The following ATP2B2 variants were observed in gnomAD, a reference collection of about 807,000 sequenced individuals.
The protein encoded by ATP2B2 is ATPase plasma membrane Ca2+ transporting 2, also known as plasma membrane calcium-transporting ATPase 2.
Under a neutral mutation model 120.0 loss-of-function variants are expected in ATP2B2, and 15 were observed. That is an observed-to-expected ratio of 0.12 (90% CI 0.08 to 0.19). ATP2B2 has a LOEUF of 0.19. ATP2B2 is among the 10% of genes least tolerant of loss of function. ATP2B2 has a pLI of 1.00. For missense variants in ATP2B2, 1,045 were observed against 1,719.8 expected (o/e 0.61, Z 6.94); for synonymous variants, 694 against 700.3 (o/e 0.99, Z 0.14).
intron 2 of ATP2B2, among the ~76,000 whole-genome samples, chr3:10,601,239 G>A (rs1293947766): frequency 1.3e-5 from 2 of 152,202 alleles, no homozygotes; most frequent in Non-Finnish European, 2.9e-5. Flanking sequence ...TGCCCAGCGT[G>A]AGCCAGGACA....
At chr3:10,448,426 G>A (rs574549187) in intron 2 of ATP2B2, among the ~76,000 whole-genome samples, 1 of 152,300 alleles carries the variant, frequency 6.6e-6, no homozygotes, top group South Asian at 2.1e-4. Flanking sequence ...CGTAGGGAAT[G>A]CTTCCTTTCC....
At chr3:10,423,981 G>C (rs1280705033) in intron 2 of ATP2B2, among the ~76,000 whole-genome samples, 1 of 152,140 alleles carries the variant, frequency 6.6e-6, no homozygotes, top group Admixed American at 6.5e-5. Flanking sequence ...GTTACCCCCC[G>C]CAGTGCATCG....
At chr3:10,353,813 C>T (rs771769592) in intron 14 of ATP2B2, among the ~76,000 whole-genome samples, 1 of 152,130 alleles carries the variant, frequency 6.6e-6, no homozygotes, top group East Asian at 1.9e-4. Context: ...TGGGGACCAA[C>T]GGGCTGGGCT....
At position 10,402,480 on chromosome 3, in the gene ATP2B2, T is replaced by A. The variant is rs2062255514; in HGVS notation, c.398-132A>T. 1 of 1,338,694 alleles carries A rather than the reference T, an allele frequency of 7.5e-7. No homozygotes were observed. The highest frequency in any genetic ancestry group is 2.3e-5 in the East Asian group (1 of 42,606). The allele number at this position is 1,338,694 out of a possible 1,614,324, so 82.9% of individuals were successfully genotyped here. A position where few individuals can be genotyped will look rare whatever the true frequency, so the allele number is the denominator to read the frequency against. Reference sequence around the variant, plus strand: ...AGATGATAATTATCCACTTACTCAGTGTGTCTGGGTACCAAGCCCTGTGGA... The same window carrying A: ...AGATGATAATTATCCACTTACTCAGAGTGTCTGGGTACCAAGCCCTGTGGA... On this transcript the variant is annotated intron_variant, in intron 3 of 22. Transcript: ENST00000360273. This position sits in a 1 kb window ranked among gnomAD's most constrained non-coding sequence, Gnocchi z 4.9.
intron 1 of ATP2B2, among the ~76,000 whole-genome samples, chr3:10,682,763 T>A (rs1012670833): frequency 6.6e-6 from 1 of 152,156 alleles, no homozygotes; most frequent in African/African-American, 2.4e-5. Context: ...CCAGAGCAGA[T>A]GCTTGGTGAC....
At chr3:10,390,081 T>C (rs1311938805) in intron 5 of ATP2B2, among the ~76,000 whole-genome samples, 1 of 152,162 alleles carries the variant, frequency 6.6e-6, no homozygotes, top group East Asian at 1.9e-4. Flanking sequence ...CCTTCTCAGA[T>C]GGGGGAGTAA....
chr3:10,394,327 G>A (rs1318850684), intron 5 of ATP2B2, among the ~76,000 whole-genome samples: 2 of 152,078 alleles, frequency 1.3e-5, no homozygotes, highest in Non-Finnish European at 2.9e-5. Flanking sequence ...CACGCTCACA[G>A]AGCACGAGGC....
chr3:10,498,013 C>T (rs546762527), intron 1 of ATP2B2, among the ~76,000 whole-genome samples: 18 of 152,320 alleles, frequency 1.2e-4, no homozygotes, highest in African/African-American at 4.1e-4. Flanking sequence ...ATTTTCTTGA[C>T]TCTAACCTGT....
chr3:10,639,376 G>A (rs1407229154), intron 1 of ATP2B2, among the ~76,000 whole-genome samples: 2 of 152,172 alleles, frequency 1.3e-5, no homozygotes, highest in Admixed American at 6.5e-5. Context: ...CAGTTCTTAA[G>A]GCTGAGAAGT....
chr3:10,640,585 G>T (rs1272377012), intron 1 of ATP2B2, among the ~76,000 whole-genome samples: 1 of 152,202 alleles, frequency 6.6e-6, no homozygotes, highest in Non-Finnish European at 1.5e-5. Context: ...GAGGCCAGAA[G>T]GCAGGAGAAG....
At chr3:10,673,022 G>C (rs563273132) in intron 1 of ATP2B2, among the ~76,000 whole-genome samples, 1 of 152,234 alleles carries the variant, frequency 6.6e-6, no homozygotes, top group East Asian at 1.9e-4. Context: ...GGGTGACCTG[G>C]GTGCATTTTC....
chr3:10,491,790 G>A (rs915470416), intron 1 of ATP2B2, among the ~76,000 whole-genome samples: 41 of 151,744 alleles, frequency 2.7e-4, no homozygotes, highest in African/African-American at 1.0e-3. Flanking sequence ...ACAAGAGAAA[G>A]AAACAAGTTA....
At chr3:10,349,161 A>G (rs1442471607) in intron 16 of ATP2B2, among the ~76,000 whole-genome samples, 1 of 152,212 alleles carries the variant, frequency 6.6e-6, no homozygotes, top group African/African-American at 2.4e-5. Context: ...GACTCTAAAA[A>G]TACCCAGTTG....
Position 10,343,035 on chromosome 3 carries a change from T to C in ATP2B2, c.2704-70A>G, listed in dbSNP as rs142926804. On this transcript the variant is annotated intron_variant, in intron 18 of 22. Coordinates refer to ENST00000360273, the MANE Select transcript of ATP2B2 (RefSeq NM_001001331.4). This position sits in a 1 kb window ranked among gnomAD's most constrained non-coding sequence, Gnocchi z 4.2. ...TGCTGTGAAGTGCTGGGCGGGCTCA[T>C]GGTGTAGTGTCCGCAGGCTCCTGCT... 3,526 of 1,518,674 alleles carry C rather than the reference T, an allele frequency of 2.3e-3. 33 individuals are homozygous for C. The highest frequency in any genetic ancestry group is 0.021 in the East Asian group (915 of 44,290). The allele number at this position is 1,518,674 out of a possible 1,614,324, so 94.1% of individuals were successfully genotyped here. A position where few individuals can be genotyped will look rare whatever the true frequency, so the allele number is the denominator to read the frequency against.
intron 1 of ATP2B2, among the ~76,000 whole-genome samples, chr3:10,630,118 T>C (rs889082514): frequency 2.0e-5 from 3 of 151,990 alleles, no homozygotes; most frequent in African/African-American, 7.3e-5. Flanking sequence ...AGGCAACAGT[T>C]AAACACGGCC....
At chr3:10,485,721 A>T (rs1042645682) in intron 1 of ATP2B2, among the ~76,000 whole-genome samples, 1 of 152,082 alleles carries the variant, frequency 6.6e-6, no homozygotes, top group Non-Finnish European at 1.5e-5. Flanking sequence ...CTGGGGTCTG[A>T]GGTCTGGATG....
intron 2 of ATP2B2, among the ~76,000 whole-genome samples, chr3:10,439,068 G>A (rs2063568262): frequency 2.0e-5 from 3 of 152,248 alleles, no homozygotes; most frequent in Non-Finnish European, 4.4e-5. Flanking sequence ...CTGGGGCAAA[G>A]GGCCAAGGGC....
intron 11 of ATP2B2, 54 bp from the exon 12 acceptor site, chr3:10,372,105 T>C (rs2061260326): frequency 6.2e-7 from 1 of 1,613,150 alleles, no homozygotes; most frequent in Admixed American, 1.7e-5. Context: ...CTGGGGAGCA[T>C]GGGGTGCCTG....
At chr3:10,688,435 C>A (rs1214254911) in intron 1 of ATP2B2, among the ~76,000 whole-genome samples, 2 of 152,206 alleles carry the variant, frequency 1.3e-5, no homozygotes, top group Non-Finnish European at 2.9e-5. Flanking sequence ...GGGGGCTTGT[C>A]TTACTTCATT....
Sources: allele counts gnomAD v4.1 joint callset (sites outside exome capture counted in the v4.1 genomes callset), GRCh38; gene constraint gnomAD v4.1.1; non-coding constraint Gnocchi (gnomAD v3.1); transcripts MANE v1.5; gene names NCBI Gene and HGNC (gene_info 2026-07-23, HGNC 2026-07-21).